The following TAFA5 variants were observed in gnomAD, a reference collection of about 807,000 sequenced individuals.
TAFA5 encodes the protein TAFA chemokine like family member 5, also known as chemokine-like protein TAFA-5.
In TAFA5, 6 loss-of-function variants were observed where a neutral mutation model predicts 15.3. That is an observed-to-expected ratio of 0.39 (90% CI 0.21 to 0.77). The LOEUF is 0.77. TAFA5 is among the 30% of genes least tolerant of loss of function. The probability of loss-of-function intolerance (pLI) is 0.41; values close to 1 mark genes in which losing one functional copy is unlikely to be tolerated. For synonymous variants in TAFA5, 103 were observed against 80.7 expected, an observed-to-expected ratio of 1.28 and a Z score of -1.48; for missense variants, 161 against 193.1, an observed-to-expected ratio of 0.83 and a Z score of 0.98.
chr22:48,707,310 A>C (rs1929110700), intron 2 of TAFA5, among the ~76,000 whole-genome samples: 1 of 152,118 alleles, frequency 6.6e-6, no homozygotes, highest in Admixed American at 6.5e-5. Flanking sequence ...CTCCCTGTGC[A>C]CAGGCTGCCC....
chr22:48,520,890 G>C (rs1314319878), intron 1 of TAFA5, among the ~76,000 whole-genome samples: 2 of 151,438 alleles, frequency 1.3e-5, no homozygotes, highest in Non-Finnish European at 2.9e-5. Context: ...GCCAGGGCCA[G>C]GGGGGGTCGC....
At chr22:48,559,692 G>A (rs1923159039) in intron 1 of TAFA5, among the ~76,000 whole-genome samples, 1 of 152,124 alleles carries the variant, frequency 6.6e-6, no homozygotes, top group Non-Finnish European at 1.5e-5. Context: ...GCCTTGAGGA[G>A]GAGGAAGGAA....
chr22:48,531,146 C>G (rs552230540), intron 1 of TAFA5, among the ~76,000 whole-genome samples: 42 of 152,068 alleles, frequency 2.8e-4, no homozygotes, highest in African/African-American at 9.6e-4. Context: ...AAGTGTGGGT[C>G]TGCATGGGGA....
At position 48,609,512 on chromosome 22, in the gene TAFA5, G is replaced by GGACCT. The variant is rs1925320145; in HGVS notation, c.113-37084_113-37083insACCTG. ...CGCTGGAGCCAGGAGGAGTGGGGTT[G>GGACCT]GGCCTTGGACCTCGCCTCTGTCCAC... On this transcript the variant is annotated intron_variant, in intron 1 of 3. Coordinates refer to ENST00000402357, the MANE Select transcript of TAFA5 (RefSeq NM_001082967.3). Among the ~76,000 whole-genome samples the GGACCT allele has an allele frequency of 3.3e-5, 5 of 152,204 alleles. No individual in the cohort carries two copies. The South Asian group carries it at 8.3e-4, about 25-fold the overall frequency.
intron 1 of TAFA5, among the ~76,000 whole-genome samples, chr22:48,559,735 C>T (rs1373759865): frequency 2.0e-5 from 3 of 152,132 alleles, no homozygotes; most frequent in Non-Finnish European, 4.4e-5. Context: ...GAGGGCACAG[C>T]CCGAGCCAGG....
intron 1 of TAFA5, among the ~76,000 whole-genome samples, chr22:48,605,320 G>A (rs1347621019): frequency 9.9e-6 from 1 of 101,074 alleles, no homozygotes; most frequent in East Asian, 2.4e-4. Context: ...TGGTGGTGAT[G>A]GTGATGATGG....
chr22:48,636,522 A>C (rs1425264899), intron 1 of TAFA5, among the ~76,000 whole-genome samples: 1 of 24,474 alleles, frequency 4.1e-5, no homozygotes, highest in African/African-American at 2.5e-4. Context: ...TTAACTTATG[A>C]GTCAGAGCAG....
At chr22:48,593,720 A>G (rs906012505) in intron 1 of TAFA5, among the ~76,000 whole-genome samples, 3 of 152,158 alleles carry the variant, frequency 2.0e-5, no homozygotes, top group Non-Finnish European at 2.9e-5. Flanking sequence ...GGAGTCCCCA[A>G]GGAAGGCCAG....
chr22:48,558,172 C>T (rs1029339071), intron 1 of TAFA5, among the ~76,000 whole-genome samples: 3 of 152,286 alleles, frequency 2.0e-5, no homozygotes, highest in South Asian at 2.1e-4. Context: ...GTGCCACCGT[C>T]GCAACATCCC....
At chr22:48,604,515 C>A (rs1311861129) in intron 1 of TAFA5, among the ~76,000 whole-genome samples, 1 of 152,244 alleles carries the variant, frequency 6.6e-6, no homozygotes, top group East Asian at 1.9e-4. Flanking sequence ...GCCCAGGCCC[C>A]TGTGGTGCTA....
At chr22:48,555,419 G>A (rs1326374370) in intron 1 of TAFA5, among the ~76,000 whole-genome samples, 3 of 152,206 alleles carry the variant, frequency 2.0e-5, no homozygotes, top group South Asian at 2.1e-4. Context: ...CGGGGAGGGC[G>A]GCTGCTCCCT....
At chr22:48,517,815 G>C (rs1249532378) in intron 1 of TAFA5, among the ~76,000 whole-genome samples, 1 of 152,184 alleles carries the variant, frequency 6.6e-6, no homozygotes, top group East Asian at 1.9e-4. Flanking sequence ...TGCCCCCTCT[G>C]TTGGTTGCTC....
At chr22:48,527,824 T>A (rs1315541221) in intron 1 of TAFA5, among the ~76,000 whole-genome samples, 4 of 152,124 alleles carry the variant, frequency 2.6e-5, no homozygotes, top group African/African-American at 7.2e-5. Context: ...GGGAGGTGCC[T>A]GAGATGCGCC....
intron 1 of TAFA5, among the ~76,000 whole-genome samples, chr22:48,494,964 C>T (rs553742899): frequency 2.0e-5 from 3 of 152,336 alleles, no homozygotes; most frequent in East Asian, 1.9e-4. Context: ...ACTAGGCGAG[C>T]GGGACTCCTC....
intron 1 of TAFA5, among the ~76,000 whole-genome samples, chr22:48,590,847 GTTCTTTTTTTTTTT>G (rs377380987): frequency 3.2e-4 from 48 of 149,524 alleles, no homozygotes; most frequent in African/African-American, 1.0e-3. Context: ...TTCATGATTT[GTTCTTTTTTTTTTT>G]TTCTTTTTGA....
At chr22:48,592,796 T>A (rs1924619282) in intron 1 of TAFA5, among the ~76,000 whole-genome samples, 1 of 152,308 alleles carries the variant, frequency 6.6e-6, no homozygotes, top group South Asian at 2.1e-4. Flanking sequence ...AACACAGTTT[T>A]CTGGGGCATT....
chr22:48,594,509 G>A (rs1420502990), intron 1 of TAFA5, among the ~76,000 whole-genome samples: 1 of 152,192 alleles, frequency 6.6e-6, no homozygotes, highest in Non-Finnish European at 1.5e-5. Context: ...ACCCTCTCAG[G>A]GACATAGCCT....
At chr22:48,641,149 G>A (rs892983077) in intron 1 of TAFA5, among the ~76,000 whole-genome samples, 8 of 151,670 alleles carry the variant, frequency 5.3e-5, no homozygotes, top group Admixed American at 2.6e-4. Context: ...AGCTGAGACC[G>A]TGGGGGCACC....
intron 1 of TAFA5, among the ~76,000 whole-genome samples, chr22:48,627,904 A>G (rs1360043305): frequency 1.3e-5 from 2 of 152,212 alleles, no homozygotes; most frequent in East Asian, 1.9e-4. Context: ...GGGGGGTTGC[A>G]TATTCTCCAG....
Sources: gnomAD v4.1 joint callset for allele counts (sites outside exome capture counted in the v4.1 genomes callset) on GRCh38, gnomAD v4.1.1 for gene constraint, MANE v1.5 for transcripts, NCBI Gene and HGNC (gene_info 2026-07-23, HGNC 2026-07-21) for gene names.